Variants in AKAP6 observed in about 807,000 individuals in gnomAD.
The protein encoded by AKAP6 is A-kinase anchoring protein 6.
In AKAP6, 58 loss-of-function variants were observed where a neutral mutation model predicts 188.5. The ratio of observed to expected loss-of-function variants is 0.31; its 90% CI spans 0.25 to 0.38. The LOEUF is 0.38. Ranked by LOEUF, AKAP6 falls within the 10% of genes least tolerant of loss-of-function variation. AKAP6 has a pLI of 1.00. For synonymous variants in AKAP6, 989 were observed against 998.6 expected, an observed-to-expected ratio of 0.99 and a Z score of 0.18; for missense variants, 2,710 against 2,740.0, an observed-to-expected ratio of 0.99 and a Z score of 0.24.
intron 5 of AKAP6, among the ~76,000 whole-genome samples, chr14:32,597,047 A>G (rs1885733748): frequency 6.6e-6 from 1 of 152,196 alleles, no homozygotes; most frequent in Non-Finnish European, 1.5e-5. Flanking sequence ...TTTCTACAGC[A>G]TCGAGCTTAT....
chr14:32,773,642 T>A lies in AKAP6; in HGVS notation c.3373-36T>A, dbSNP rs533725943. 1.1e-5 allele frequency: 17 copies of A among 1,583,704 alleles called. No individual in the cohort carries two copies. In the South Asian group the frequency reaches 1.9e-4, roughly 18 times the overall value. Reference sequence around the variant, plus strand: ...TCATGTTTTAGGGAACTCTGCCCTATAAACACTCATAGATTGGTTTCTCTC... The same window carrying A: ...TCATGTTTTAGGGAACTCTGCCCTAAAAACACTCATAGATTGGTTTCTCTC... On this transcript the variant is annotated intron_variant, in intron 11 of 13. Transcript: ENST00000280979.
intron 7 of AKAP6, among the ~76,000 whole-genome samples, chr14:32,603,165 G>A (rs1885999860): frequency 6.6e-6 from 1 of 152,098 alleles, no homozygotes; most frequent in African/African-American, 2.4e-5. Context: ...TGGGTGCCCT[G>A]TTGTTGGACA....
At chr14:32,621,640 T>C (rs1294091147) in intron 7 of AKAP6, among the ~76,000 whole-genome samples, 1 of 152,136 alleles carries the variant, frequency 6.6e-6, no homozygotes, top group Admixed American at 6.6e-5. Flanking sequence ...GAATAATGTA[T>C]ATTATACAGT....
At chr14:32,519,399 C>A (rs989120237) in intron 2 of AKAP6, among the ~76,000 whole-genome samples, 8 of 152,060 alleles carry the variant, frequency 5.3e-5, no homozygotes, top group Admixed American at 1.3e-4. Flanking sequence ...CACAGACTGG[C>A]AAATTGGATA....
At chr14:32,696,643 C>A (rs1443195103) in intron 9 of AKAP6, among the ~76,000 whole-genome samples, 1 of 152,160 alleles carries the variant, frequency 6.6e-6, no homozygotes, top group Non-Finnish European at 1.5e-5. Flanking sequence ...AGAAAACTGG[C>A]TTGAAACTCA....
intron 2 of AKAP6, among the ~76,000 whole-genome samples, chr14:32,509,282 G>A (rs11627129): frequency 0.16 from 24,844 of 151,476 alleles, 2,538 homozygotes; most frequent in Non-Finnish European, 0.24. Flanking sequence ...ACACTACCAC[G>A]CCTGGCTAAT....
At chr14:32,646,653 A>G (rs771782567) in intron 7 of AKAP6, among the ~76,000 whole-genome samples, 3 of 152,140 alleles carry the variant, frequency 2.0e-5, no homozygotes, top group Admixed American at 6.6e-5. Context: ...AGAGACAAAA[A>G]CATGTGTTAT....
At chr14:32,533,931 A>T (rs1310728406) in intron 2 of AKAP6, among the ~76,000 whole-genome samples, 1 of 152,168 alleles carries the variant, frequency 6.6e-6, no homozygotes, top group Non-Finnish European at 1.5e-5. Context: ...TAGTGCTTCA[A>T]AGTTCATCTA....
At chr14:32,790,347 G>C (rs11156764) in intron 12 of AKAP6, among the ~76,000 whole-genome samples, 7 of 151,836 alleles carry the variant, frequency 4.6e-5, no homozygotes, top group Non-Finnish European at 8.8e-5. Context: ...ACAGGTCAAT[G>C]TTCAAATTCA....
At chr14:32,561,625 G>C (rs1204525590) in intron 4 of AKAP6, among the ~76,000 whole-genome samples, 1 of 152,134 alleles carries the variant, frequency 6.6e-6, no homozygotes, top group Non-Finnish European at 1.5e-5. Context: ...TGACATTAAC[G>C]AGCCTGGAGG....
At chr14:32,390,332 C>T (rs1888669464) in intron 1 of AKAP6, among the ~76,000 whole-genome samples, 1 of 152,160 alleles carries the variant, frequency 6.6e-6, no homozygotes, top group African/African-American at 2.4e-5. Flanking sequence ...AACTAACCTC[C>T]TGAATTCTTT....
chr14:32,545,781 C>T lies in AKAP6; in HGVS notation c.1128C>T (p.Cys376=). ...CCCCCAAACGAACCATCAGAGATTG[C>T]TTTAATTATAACGAGGACTCTCCCA... ...NATPKRTIRD[C]FNYNEDSPTQ... Residue 376 remains cysteine, a synonymous_variant, in exon 4 of 14, where the codon TGC becomes TGT. Coordinates refer to ENST00000280979, the MANE Select transcript of AKAP6 (RefSeq NM_004274.5). 1 of 1,614,210 alleles carries T rather than the reference C, an allele frequency of 6.2e-7. No homozygotes were observed. Among genetic ancestry groups the T allele is most frequent in the South Asian group, 1.1e-5 (1 of 91,084 alleles).
At position 32,823,408 on chromosome 14, in the gene AKAP6, T is replaced by C; in HGVS notation, c.5595T>C (p.Asn1865=). The change falls in exon 13 of 14, where the codon AAT becomes AAC. Residue 1865 remains asparagine, a synonymous_variant. Coordinates refer to ENST00000280979, the MANE Select transcript of AKAP6 (RefSeq NM_004274.5). The stretch of plus-strand genomic sequence containing the variant: ...CTGAAAATAATGGAAATGGTAAGAA[T>C]TCATCTCATACCCATGAGTTAGGGA... ...RVSENNGNGK[N]SSHTHELGTK... The C allele has an allele frequency of 6.2e-7, 1 of 1,613,728 alleles. No individual in the cohort carries two copies. The highest frequency in any genetic ancestry group is 1.1e-5 in the South Asian group (1 of 91,062).
chr14:32,618,847 C>T (rs1333966789), intron 7 of AKAP6, among the ~76,000 whole-genome samples: 2 of 152,144 alleles, frequency 1.3e-5, no homozygotes, highest in Non-Finnish European at 2.9e-5. Flanking sequence ...ATCACATCCA[C>T]GCCAACATTT....
rs141248322 is a variant in AKAP6, at chr14:32,721,544, G to A, written c.3001-10910G>A. On this transcript the variant is annotated intron_variant, in intron 9 of 13. Transcript: ENST00000280979. ...TTCTGTACCTCAAATTCAATGAAAC[G>A]CCTCTCTAAAGTAGGATGGATTGAA... Among the ~76,000 whole-genome samples, 7 of 152,236 alleles carry A rather than the reference G, an allele frequency of 4.6e-5. No homozygotes were observed. The East Asian group carries it at 9.7e-4, about 21-fold the overall frequency.
intron 9 of AKAP6, among the ~76,000 whole-genome samples, chr14:32,729,319 C>A (rs556494696): frequency 6.6e-6 from 1 of 151,858 alleles, no homozygotes; most frequent in South Asian, 2.1e-4. Context: ...AAGCCTTTAG[C>A]GTAACTGTCA....
At chr14:32,802,872 C>T (rs1428603197) in intron 12 of AKAP6, among the ~76,000 whole-genome samples, 2 of 152,122 alleles carry the variant, frequency 1.3e-5, no homozygotes, top group Admixed American at 6.6e-5. Flanking sequence ...CCAAGATGGG[C>T]AGATCAGTTG....
At chr14:32,794,292 G>A (rs2033698023) in intron 12 of AKAP6, among the ~76,000 whole-genome samples, 2 of 152,152 alleles carry the variant, frequency 1.3e-5, no homozygotes, top group South Asian at 4.1e-4. Flanking sequence ...CAGCTGCAGT[G>A]GCTCACACCT....
intron 11 of AKAP6, among the ~76,000 whole-genome samples, chr14:32,751,884 C>T (rs1412343934): frequency 6.6e-6 from 1 of 152,128 alleles, no homozygotes; most frequent in Non-Finnish European, 1.5e-5. Context: ...ATCTCAGTGC[C>T]ATGAATGCAA....
Sources: gnomAD v4.1 joint callset for allele counts (sites outside exome capture counted in the v4.1 genomes callset) on GRCh38, gnomAD v4.1.1 for gene constraint, MANE v1.5 for transcripts, NCBI Gene and HGNC (gene_info 2026-07-23, HGNC 2026-07-21) for gene names.